SMC1B: variants seen among roughly 807,000 people sequenced by gnomAD.
The protein encoded by SMC1B is structural maintenance of chromosomes protein 1B.
In SMC1B, 60 loss-of-function variants were observed where a neutral mutation model predicts 157.9. The observed-to-expected ratio is 0.38, with a 90% CI of 0.31 to 0.47. The LOEUF is 0.47. SMC1B is among the 20% of genes least tolerant of loss of function. The pLI, the probability that SMC1B is intolerant of heterozygous loss-of-function variation, is 0.99. For missense variants in SMC1B, 1,165 were observed against 1,426.2 expected (o/e 0.82, Z 2.95); for synonymous variants, 445 against 483.0 (o/e 0.92, Z 1.03).
At position 45,394,708 on chromosome 22, in the gene SMC1B, TA is replaced by T; in HGVS notation, c.1313del (p.Leu438Ter). 1 of 1,563,980 alleles carries T rather than the reference TA, an allele frequency of 6.4e-7. No individual in the cohort carries two copies. Among genetic ancestry groups the T allele is most frequent in the Non-Finnish European group, 8.7e-7 (1 of 1,149,016 alleles). ...ACATGCATGTCTTTGTATACTCCTC[TA>T]ACTTCTCTATTCGTTTTTTATGATC... ...IEDHKKRIEKLEEYTKTCMDC... is the reference protein window; with the variant it reads ...IEDHKKRIEKXEEYTKTCMDC... On this transcript the variant is annotated frameshift_variant, in exon 8 of 25. Coordinates refer to ENST00000357450, the MANE Select transcript of SMC1B (RefSeq NM_148674.5). LOFTEE classifies it high-confidence loss of function.
At chr22:45,405,102 T>C (rs1305727937) in intron 4 of SMC1B, among the ~76,000 whole-genome samples, 2 of 152,046 alleles carry the variant, frequency 1.3e-5, no homozygotes, top group East Asian at 1.9e-4. Context: ...CTACCAGGTA[T>C]GTAAAATCAG....
At chr22:45,409,308 A>C (rs1357329818) in intron 1 of SMC1B, among the ~76,000 whole-genome samples, 1 of 152,224 alleles carries the variant, frequency 6.6e-6, no homozygotes, top group Non-Finnish European at 1.5e-5. Flanking sequence ...TCATGCCTAT[A>C]ATCCTAGCAC....
In SMC1B at chr22:45,354,063, T is replaced by C. The variant is rs1407383814; in HGVS notation, c.3188A>G (p.Tyr1063Cys). Residue 1063 changes from tyrosine to cysteine, a missense_variant, in exon 21 of 25, where the codon TAC (tyrosine) becomes TGC (cysteine). By Grantham distance (194) the Tyr-to-Cys change is radical. Coordinates refer to ENST00000357450, the MANE Select transcript of SMC1B (RefSeq NM_148674.5). ...QEFEQVKKRR[Y>C]DLFTQCFEHV... ...CTCAAAACACTGGGTGAAAAGATCG[T>C]ATCTCCTTTTTTTCACTTGCTCGAA... The C allele has an allele frequency of 1.9e-6, 3 of 1,603,222 alleles. No individual in the cohort carries two copies. Among genetic ancestry groups the C allele is most frequent in the South Asian group, 1.1e-5 (1 of 88,586 alleles).
chr22:45,396,571 ATAAT>A (rs1162439642), intron 6 of SMC1B, 85 bp from the exon 7 acceptor site: 18 of 1,145,430 alleles, frequency 1.6e-5, no homozygotes, highest in Non-Finnish European at 2.2e-5. Flanking sequence ...GTACTAGAAG[ATAAT>A]TAATCTTCCC....
At chr22:45,360,312 A>G (rs2146775243) in intron 17 of SMC1B, among the ~76,000 whole-genome samples, 1 of 152,334 alleles carries the variant, frequency 6.6e-6, no homozygotes. Flanking sequence ...TAAGTCACAT[A>G]CACTTAATAA....
chr22:45,359,452 A>G (rs1193662578), intron 18 of SMC1B, among the ~76,000 whole-genome samples: 2 of 152,200 alleles, frequency 1.3e-5, no homozygotes, highest in Non-Finnish European at 2.9e-5. Context: ...AAGGACCTCA[A>G]TACAACTGTT....
In SMC1B at chr22:45,358,847, T is replaced by C. The variant is rs770461863; in HGVS notation, c.2863-52A>G. 8.5e-5 allele frequency: 115 copies of C among 1,346,200 alleles called. No individual in the cohort carries two copies. In the Middle Eastern group the frequency reaches 4.1e-3, roughly 47 times the overall value. 83.4% of individuals were successfully genotyped at this position (1,346,200 alleles called of 1,614,324 possible). A position where few individuals can be genotyped will look rare whatever the true frequency, so the allele number is the denominator to read the frequency against. ...TGTTGATTAAGTTTGTTGTCTTATA[T>C]GGGAGTGGTTCATGGCACTCCAAAA... is the stretch of plus-strand genomic sequence containing the variant. On this transcript the variant is annotated intron_variant, in intron 18 of 24. Transcript: ENST00000357450.
chr22:45,408,140 T>C (rs1469099536), intron 2 of SMC1B, among the ~76,000 whole-genome samples: 1 of 152,196 alleles, frequency 6.6e-6, no homozygotes, highest in Non-Finnish European at 1.5e-5. Context: ...ATTATTATTT[T>C]TTTGAGACGG....
At chr22:45,353,924 C>T in intron 21 of SMC1B, 54 bp downstream of exon 21, 1 of 228,892 alleles carries the variant, frequency 4.4e-6, no homozygotes, top group East Asian at 7.8e-5. Flanking sequence ...AAAAAAACAA[C>T]CACCACCGGT....
intron 1 of SMC1B, among the ~76,000 whole-genome samples, chr22:45,412,050 T>G (rs1054619049): frequency 6.6e-6 from 1 of 151,784 alleles, no homozygotes; most frequent in Admixed American, 6.6e-5. Flanking sequence ...AGCTAATTTT[T>G]GTATTTTTAG....
chr22:45,406,511 C>G lies in SMC1B; in HGVS notation c.564G>C (p.Lys188Asn), dbSNP rs981859097. Reference sequence around the variant, plus strand: ...TGCGCTCTGCCGCTATATTTTTTTTCTTATTAAAGTTAAACTGTGCATCCT... The same window carrying G: ...TGCGCTCTGCCGCTATATTTTTTTTGTTATTAAAGTTAAACTGTGCATCCT... ...AEEDAQFNFN[K>N]KKNIAAERRQ... The change falls in exon 4 of 25, where the codon AAG becomes AAC. Residue 188 changes from lysine to asparagine, a missense_variant. Transcript: ENST00000357450. 2 of 1,611,216 alleles carry G rather than the reference C, an allele frequency of 1.2e-6. No homozygotes were observed. Among genetic ancestry groups the G allele is most frequent in the African/African-American group, 2.7e-5 (2 of 74,658 alleles).
intron 15 of SMC1B, among the ~76,000 whole-genome samples, chr22:45,364,595 G>A (rs1307173181): frequency 6.6e-6 from 1 of 152,292 alleles, no homozygotes; most frequent in Non-Finnish European, 1.5e-5. Context: ...CAGACAGGGG[G>A]ACAACAGAAT....
intron 9 of SMC1B, among the ~76,000 whole-genome samples, chr22:45,391,362 T>G (rs940181124): frequency 7.2e-5 from 11 of 152,256 alleles, no homozygotes; most frequent in Admixed American, 7.2e-4. Context: ...CATATTTGAA[T>G]CTAGTTTTAT....
chr22:45,359,690 A>G lies in SMC1B; in HGVS notation c.2862+115T>C. Reference sequence around the variant, plus strand: ...AGTCATTTTGCCCTTTTTCCCTCCTATGAGATGTCTTCACCACCCCTAAAG... The same window carrying G: ...AGTCATTTTGCCCTTTTTCCCTCCTGTGAGATGTCTTCACCACCCCTAAAG... On this transcript the variant is annotated intron_variant, in intron 18 of 24. Transcript: ENST00000357450. 3.5e-6 allele frequency: 4 copies of G among 1,138,980 alleles called. 1 individual carries two copies. The South Asian group carries it at 5.2e-5, about 15-fold the overall frequency. 70.6% of individuals were successfully genotyped at this position (1,138,980 alleles called of 1,614,324 possible).
Position 45,359,779 on chromosome 22 carries a change from TATTTTACA to T in SMC1B, c.2862+18_2862+25del. 1 of 1,606,554 alleles carries T rather than the reference TATTTTACA, an allele frequency of 6.2e-7. No individual in the cohort carries two copies. On this transcript the variant is annotated intron_variant, in intron 18 of 24. Coordinates refer to ENST00000357450, the MANE Select transcript of SMC1B (RefSeq NM_148674.5). ...GCATTAAGTTCCACACAACGGCACA[TATTTTACA>T]GTCATTTGCTAGAATACCTCCACTT...
At chr22:45,390,450 G>T (rs1245626410) in intron 9 of SMC1B, among the ~76,000 whole-genome samples, 1 of 152,162 alleles carries the variant, frequency 6.6e-6, no homozygotes. Flanking sequence ...GCTCACGCCT[G>T]TAATCCCAGC....
intron 10 of SMC1B, among the ~76,000 whole-genome samples, chr22:45,388,593 G>C (rs930966526): frequency 2.6e-5 from 4 of 152,128 alleles, no homozygotes; most frequent in African/African-American, 7.2e-5. Context: ...TCCTATGCCA[G>C]GTGCTTTACA....
At chr22:45,382,534 G>A (rs950826107) in intron 12 of SMC1B, among the ~76,000 whole-genome samples, 1 of 152,190 alleles carries the variant, frequency 6.6e-6, no homozygotes, top group East Asian at 1.9e-4. Flanking sequence ...TATGTCATGA[G>A]TGCAGTGATG....
chr22:45,344,065 T>A lies in SMC1B; in HGVS notation c.*491A>T, dbSNP rs965898049. ...TCTAAAATTCTACATTGGAGACATT[T>A]GAAATTAGAACATTTTTTATTGATA... On this transcript the variant is annotated 3_prime_UTR_variant, in exon 25 of 25. Coordinates refer to ENST00000357450, the MANE Select transcript of SMC1B (RefSeq NM_148674.5). 1 of 152,258 alleles carries A rather than the reference T, an allele frequency of 6.6e-6. No homozygotes were observed. The highest frequency in any genetic ancestry group is 2.4e-5 in the African/African-American group (1 of 41,472). 9.4% of individuals were successfully genotyped at this position (152,258 alleles called of 1,614,324 possible). A position where few individuals can be genotyped will look rare whatever the true frequency, so the allele number is the denominator to read the frequency against.
Sources: gnomAD v4.1 joint callset for allele counts (sites outside exome capture counted in the v4.1 genomes callset) on GRCh38, gnomAD v4.1.1 for gene constraint, MANE v1.5 for transcripts, NCBI Gene and HGNC (gene_info 2026-07-23, HGNC 2026-07-21) for gene names.